The following ABCB6 variants were observed in gnomAD, a reference collection of about 807,000 sequenced individuals.
The protein encoded by ABCB6 is ATP-binding cassette sub-family B member 6.
ABCB6 carries 87 observed loss-of-function variants against 99.4 expected under a neutral mutation model. The observed-to-expected ratio is 0.88, with a 90% CI of 0.74 to 1.05. ABCB6 has a LOEUF of 1.05. ABCB6 is among the 50% of genes least tolerant of loss of function. The pLI is 0.00. For synonymous variants in ABCB6, 482 were observed against 447.5 expected, an observed-to-expected ratio of 1.08 and a Z score of -0.97; for missense variants, 1,050 against 1,097.9, an observed-to-expected ratio of 0.96 and a Z score of 0.62.
intron 7 of ABCB6, 72 bp from the exon 8 acceptor site, chr2:219,214,258 C>A: frequency 6.5e-7 from 1 of 1,538,270 alleles, no homozygotes; most frequent in East Asian, 2.2e-5. Flanking sequence ...CCCCAACTCT[C>A]AATCCTCCTT....
chr2:219,218,486 G>C lies in ABCB6; in HGVS notation c.188C>G (p.Ser63Cys), dbSNP rs1275156036. 1 of 1,608,576 alleles carries C rather than the reference G, an allele frequency of 6.2e-7. No individual in the cohort carries two copies. Among genetic ancestry groups the C allele is most frequent in the East Asian group, 2.2e-5 (1 of 44,738 alleles). The change falls in exon 1 of 19, where the codon TCT (serine) becomes TGT (cysteine). Residue 63 changes from serine (S) to cysteine (C), a missense_variant. Transcript: ENST00000265316. ...RERPAGADSL[S>C]WGAGPRISPY... ...AGAGATGCGAGGGCCGGCCCCCCAA[G>C]ACAGCGAATCAGCACCAGCGGGCCG...
Position 219,213,607 on chromosome 2 carries a change from C to T in ABCB6, c.1638G>A (p.Trp546Ter), listed in dbSNP as rs1300118563. 6.2e-7 allele frequency: 1 copy of T among 1,614,034 alleles called. No homozygotes were observed. Among genetic ancestry groups the T allele is most frequent in the Non-Finnish European group, 8.5e-7 (1 of 1,180,046 alleles). ...YIIQLYMPLN[W>*]FGTYYRMIQT... The stretch of plus-strand genomic sequence containing the variant: ...CAGATTACCTGTAGTAGGTGCCAAA[C>T]CAATTGAGGGGCATGTACAGCTGGA... The change falls in exon 10 of 19, where the codon TGG (tryptophan) becomes TGA (stop). Residue 546 changes from tryptophan (W) to a stop codon, truncating the protein, a stop_gained. Coordinates refer to ENST00000265316, the MANE Select transcript of ABCB6 (RefSeq NM_005689.4). LOFTEE classifies it high-confidence loss of function.
intron 7 of ABCB6, 51 bp downstream of exon 7, chr2:219,214,329 CCTGGTTACA>C (rs1434491924): frequency 1.1e-5 from 17 of 1,511,864 alleles, no homozygotes; most frequent in Non-Finnish European, 1.5e-5. Flanking sequence ...CCCCAGTGGT[CCTGGTTACA>C]CTCCTCCACA....
chr2:219,213,467 A>G lies in ABCB6; in HGVS notation c.1691T>C (p.Met564Thr), dbSNP rs1233572695. 6.8e-6 allele frequency: 11 copies of G among 1,614,024 alleles called. No homozygotes were observed. Among genetic ancestry groups the G allele is most frequent in the African/African-American group, 2.7e-5 (2 of 74,912 alleles). Residue 564 changes from methionine (M) to threonine (T), a missense_variant, in exon 11 of 19, where the codon ATG becomes ACG. Coordinates refer to ENST00000265316, the MANE Select transcript of ABCB6 (RefSeq NM_005689.4). ...IQTNFIDMEN[M>T]FDLLKEETEV... is the part of the protein sequence containing the mutation. ...TGTCTCCTCTTTCAGCAAGTCAAAC[A>G]TGTTCTCCATGTCAATGAAGTTGGT...
In ABCB6 at chr2:219,216,913, T is replaced by C. The variant is rs1950649188; in HGVS notation, c.688-81A>G. 7.6e-7 allele frequency: 1 copy of C among 1,324,434 alleles called. No individual in the cohort carries two copies. The highest frequency in any genetic ancestry group is 1.0e-6 in the Non-Finnish European group (1 of 981,352). 82.0% of individuals were successfully genotyped at this position (1,324,434 alleles called of 1,614,324 possible). A position where few individuals can be genotyped will look rare whatever the true frequency, so the allele number is the denominator to read the frequency against. ...CAGAAACCCTTCAGGGAAAAACCTA[T>C]GGGGTTACAGCTCCCAGGTATCTCA... On this transcript the variant is annotated intron_variant, in intron 2 of 18. Coordinates refer to ENST00000265316, the MANE Select transcript of ABCB6 (RefSeq NM_005689.4). This position sits in a 1 kb window ranked among gnomAD's most constrained non-coding sequence, Gnocchi z 4.2.
rs918674798 is a variant in ABCB6 at position 219,216,208 on chromosome 2, A to G, written c.971-28T>C. ...GCAGGGAGCCGGGGGACGCCTCAGT[A>G]GGGCCTGGGAGCTGAGGGACGTCAG... On this transcript the variant is annotated intron_variant, in intron 4 of 18. Coordinates refer to ENST00000265316, the MANE Select transcript of ABCB6 (RefSeq NM_005689.4). The surrounding 1 kb of genome is among the most constrained non-coding windows in gnomAD (Gnocchi z 4.2). The G allele has an allele frequency of 3.8e-6, 6 of 1,571,522 alleles. No homozygotes were observed. In the African/African-American group the frequency reaches 6.7e-5, roughly 18 times the overall value.
At position 219,218,419 on chromosome 2, in the gene ABCB6, C is replaced by T. The variant is rs1950675638; in HGVS notation, c.255G>A (p.Ala85=). The change falls in exon 1 of 19, where the codon GCG becomes GCA. Residue 85 remains alanine (A), a synonymous_variant. Transcript: ENST00000265316. The part of the protein sequence containing the change: ...LQLLLATLQA[A]LPLAGLAGRV... The stretch of plus-strand genomic sequence containing the variant: ...GGCCAGCCAGGCCGGCCAGGGGCAG[C>T]GCCGCCTGAAGTGTGGCCAGAAGCA... 1 of 1,611,040 alleles carries T rather than the reference C, an allele frequency of 6.2e-7. No homozygotes were observed. Among genetic ancestry groups the T allele is most frequent in the Non-Finnish European group, 8.5e-7 (1 of 1,178,986 alleles).
chr2:219,214,341 C>A, intron 7 of ABCB6, 48 bp downstream of exon 7: 1 of 1,540,670 alleles, frequency 6.5e-7, no homozygotes, highest in Non-Finnish European at 9.0e-7. Flanking sequence ...TGGTTACACT[C>A]CTCCACATCT....
chr2:219,216,956 T>C lies in ABCB6; in HGVS notation c.688-124A>G. The C allele has an allele frequency of 1.2e-6, 1 of 819,774 alleles. No homozygotes were observed. The highest frequency in any genetic ancestry group is 1.8e-6 in the Non-Finnish European group (1 of 542,892). 50.8% of individuals were successfully genotyped at this position (819,774 alleles called of 1,614,324 possible). On this transcript the variant is annotated intron_variant, in intron 2 of 18. Coordinates refer to ENST00000265316, the MANE Select transcript of ABCB6 (RefSeq NM_005689.4). This position sits in a 1 kb window ranked among gnomAD's most constrained non-coding sequence, Gnocchi z 4.2. ...GTATCTCAGACCCACAAGTGATCCT[T>C]GATGGGGTCAGAAAAACTAAGTTGC...
In ABCB6 at chr2:219,210,092, C is replaced by T. The variant is rs763530773; in HGVS notation, c.2421-46G>A. ...TGAGTCCTAACCATTAGTTTTACCC[C>T]GAGGGTCCTTGCCACCAGCCCACAG... is the stretch of plus-strand genomic sequence containing the variant. On this transcript the variant is annotated intron_variant, in intron 18 of 18. Coordinates refer to ENST00000265316, the MANE Select transcript of ABCB6 (RefSeq NM_005689.4). 6.2e-6 allele frequency: 10 copies of T among 1,604,866 alleles called. No homozygotes were observed. In the East Asian group the frequency reaches 6.7e-5, roughly 11 times the overall value.
intron 15 of ABCB6, 33 bp downstream of exon 15, chr2:219,210,901 G>C (rs778800082): frequency 6.2e-7 from 1 of 1,613,726 alleles, no homozygotes; most frequent in South Asian, 1.1e-5. Context: ...AACACCAGGA[G>C]GGGAGGGGAC....
chr2:219,214,002 G>A, intron 8 of ABCB6, 51 bp from the exon 9 acceptor site: 1 of 1,613,158 alleles, frequency 6.2e-7, no homozygotes, highest in Non-Finnish European at 8.5e-7. Context: ...ATGGCCATCA[G>A]TGAGTCCAAA....
intron 14 of ABCB6, 102 bp downstream of exon 14, chr2:219,212,285 G>GT (rs1950588278): frequency 5.1e-6 from 5 of 971,236 alleles, no homozygotes; most frequent in Non-Finnish European, 8.1e-6. Context: ...AATGGCCCTA[G>GT]TTTTTTTGCA....
Position 219,213,574 on chromosome 2 carries a change from C to T in ABCB6, c.1655+16G>A. On this transcript the variant is annotated intron_variant, in intron 10 of 18. Coordinates refer to ENST00000265316, the MANE Select transcript of ABCB6 (RefSeq NM_005689.4). ...ATAATGTGCCCTGGACAGGTGAGGGCCAGGGCTCAGATTACCTGTAGTAGG... is the reference window on the plus strand; with the variant it reads ...ATAATGTGCCCTGGACAGGTGAGGGTCAGGGCTCAGATTACCTGTAGTAGG... 6.2e-7 allele frequency: 1 copy of T among 1,614,122 alleles called. No individual in the cohort carries two copies. The highest frequency in any genetic ancestry group is 8.5e-7 in the Non-Finnish European group (1 of 1,179,982).
rs745827559 is a variant in ABCB6, at chr2:219,210,027, G to C, written c.2440C>G (p.Arg814Gly). ...ERGRHEALLSRGGVYADMWQL... is the reference protein window; with the variant it reads ...ERGRHEALLSGGGVYADMWQL... Reference sequence around the variant, plus strand: ...CACATGTCAGCATACACCCCACCTCGGGACAACAGAGCCTCGTGTCTGGGG... The same window carrying C: ...CACATGTCAGCATACACCCCACCTCCGGACAACAGAGCCTCGTGTCTGGGG... Residue 814 changes from arginine to glycine, a missense_variant, in exon 19 of 19, where the codon CGA (arginine) becomes GGA (glycine). Physicochemically the swap from Arg to Gly is moderately radical, Grantham distance 125. Coordinates refer to ENST00000265316, the MANE Select transcript of ABCB6 (RefSeq NM_005689.4). 13 of 1,613,864 alleles carry C rather than the reference G, an allele frequency of 8.1e-6. No individual in the cohort carries two copies. The highest frequency in any genetic ancestry group is 1.0e-5 in the Non-Finnish European group (12 of 1,179,996).
Position 219,210,411 on chromosome 2 carries a change from GCA to G in ABCB6, c.2319_2320del (p.Ala774GlnfsTer18), listed in dbSNP as rs1950561659. ...TGCCACTACGATGGTGGTGCGGTTG[GCA>G]CAGACTTTGGCCAGAGAAGCCTGGA... On this transcript the variant is annotated frameshift_variant, in exon 17 of 19. Coordinates refer to ENST00000265316, the MANE Select transcript of ABCB6 (RefSeq NM_005689.4). LOFTEE classifies it high-confidence loss of function. 1.2e-6 allele frequency: 2 copies of G among 1,614,180 alleles called. No individual in the cohort carries two copies. Among genetic ancestry groups the G allele is most frequent in the Non-Finnish European group, 1.7e-6 (2 of 1,180,026 alleles).
At chr2:219,214,910 A>G (rs1378649769) in intron 6 of ABCB6, 51 bp downstream of exon 6, 1 of 1,610,610 alleles carries the variant, frequency 6.2e-7, no homozygotes, top group South Asian at 1.1e-5. Context: ...GCTCATGGCC[A>G]AGGGAGTCCC....
chr2:219,216,266 C>A lies in ABCB6; in HGVS notation c.971-86G>T. 1 of 1,580,810 alleles carries A rather than the reference C, an allele frequency of 6.3e-7. No individual in the cohort carries two copies. The highest frequency in any genetic ancestry group is 8.6e-7 in the Non-Finnish European group (1 of 1,158,630). On this transcript the variant is annotated intron_variant, in intron 4 of 18. Coordinates refer to ENST00000265316, the MANE Select transcript of ABCB6 (RefSeq NM_005689.4). This position sits in a 1 kb window ranked among gnomAD's most constrained non-coding sequence, Gnocchi z 4.2. Reference sequence around the variant, plus strand: ...CCAGGATGTGAAAGGTCTGAGAGTACATGGGGGCTGGGGAGGAATGCTGGG... The same window carrying A: ...CCAGGATGTGAAAGGTCTGAGAGTAAATGGGGGCTGGGGAGGAATGCTGGG...
chr2:219,211,764 A>ATTTT (rs56903380), intron 14 of ABCB6, among the ~76,000 whole-genome samples: 1 of 132,946 alleles, frequency 7.5e-6, no homozygotes, highest in Non-Finnish European at 1.6e-5. Context: ...TGGCCAGCTA[A>ATTTT]TTTTTTTTTT....
Sources: gnomAD v4.1 joint callset for allele counts (sites outside exome capture counted in the v4.1 genomes callset) on GRCh38, gnomAD v4.1.1 for gene constraint, Gnocchi (gnomAD v3.1) non-coding constraint, MANE v1.5 for transcripts, NCBI Gene and HGNC (gene_info 2026-07-23, HGNC 2026-07-21) for gene names.